Variants in MICAL3 observed in about 807,000 individuals in gnomAD.
The protein encoded by MICAL3 is [F-actin]-monooxygenase MICAL3.
Under a neutral mutation model 207.4 loss-of-function variants are expected in MICAL3, and 62 were observed. The observed-to-expected ratio is 0.30, with a 90% CI of 0.24 to 0.37. The LOEUF (loss-of-function observed/expected upper bound fraction) is 0.37. Among genes scored for constraint, MICAL3 ranks in the 10% least tolerant of loss-of-function variants. The pLI, the probability that MICAL3 is intolerant of heterozygous loss-of-function variation, is 1.00. For missense variants in MICAL3, 2,368 were observed against 2,635.6 expected (o/e 0.90, Z 2.22); for synonymous variants, 1,077 against 1,069.3 (o/e 1.01, Z -0.14).
chr22:18,009,023 C>T (rs929624076), intron 1 of MICAL3, among the ~76,000 whole-genome samples: 28 of 152,122 alleles, frequency 1.8e-4, no homozygotes, highest in Non-Finnish European at 3.5e-4. Flanking sequence ...TGATTTTTCC[C>T]CTAACTGATT....
intron 1 of MICAL3, chr22:17,983,168 C>G (rs1936002919): frequency 6.6e-6 from 1 of 152,190 alleles, no homozygotes; most frequent in Non-Finnish European, 1.5e-5. Context: ...GCTGGGATTA[C>G]AGCTGTGACC....
rs2061843658 is a variant in MICAL3, at chr22:17,793,282, G to A, written c.5651-1981C>T. On this transcript the variant is annotated intron_variant, in intron 29 of 31. Coordinates refer to ENST00000441493, the MANE Select transcript of MICAL3 (RefSeq NM_015241.3). The surrounding 1 kb of genome is among the most constrained non-coding windows in gnomAD (Gnocchi z 4.1). ...ACACGCACACTCAGCAAGACACGAG[G>A]TAGAGAGGTTTGCTTTCAGTGGTTG... Among the ~76,000 whole-genome samples the A allele has an allele frequency of 6.6e-6, 1 of 152,044 alleles. No homozygotes were observed. The highest frequency in any genetic ancestry group is 1.5e-5 in the Non-Finnish European group (1 of 67,980).
intron 17 of MICAL3, among the ~76,000 whole-genome samples, chr22:17,866,821 C>T (rs1260099068): frequency 6.6e-6 from 1 of 152,218 alleles, no homozygotes; most frequent in Non-Finnish European, 1.5e-5. Context: ...CTGAACTTGG[C>T]TTTTCCCATG....
intron 1 of MICAL3, among the ~76,000 whole-genome samples, chr22:17,924,974 C>T (rs75328607): frequency 0.074 from 11,211 of 152,254 alleles, 531 homozygotes; most frequent in Non-Finnish European, 0.11. Flanking sequence ...ACCCTGCAAA[C>T]TGGGTGCCAA....
chr22:17,881,657 A>AC (rs1929442667), intron 16 of MICAL3, among the ~76,000 whole-genome samples: 1 of 151,896 alleles, frequency 6.6e-6, no homozygotes, highest in African/African-American at 2.4e-5. Flanking sequence ...GGACACAGAG[A>AC]CCCCCTCTCA....
intron 1 of MICAL3, among the ~76,000 whole-genome samples, chr22:17,991,299 GCAGT>G (rs1257089446): frequency 1.3e-5 from 2 of 152,230 alleles, no homozygotes; most frequent in Non-Finnish European, 2.9e-5. Context: ...AAAGTGACAG[GCAGT>G]CATTCCCACC....
rs9617621 is a variant in MICAL3 at position 17,818,175 on chromosome 22, G to A, written c.4486C>T (p.Arg1496Trp). The change falls in exon 26 of 32, where the codon CGG becomes TGG. Residue 1496 changes from arginine to tryptophan, a missense_variant. Around this residue, in one of 4 missense-constraint regions of MICAL3, gnomAD observed 1,770 missense variants for 1,863.2 expected, o/e 0.95. Transcript: ENST00000441493. ...VPPPLPATWM[R>W]PPREPAQPPR... ...GGCTGAGCAGGCTCCCGGGGGGGCC[G>A]CATCCAGGTGGCGGGCAAGGGCGGC... The A allele has an allele frequency of 4.4e-5, 70 of 1,585,682 alleles. 1 individual carries two copies. The highest frequency in any genetic ancestry group is 1.7e-4 in the South Asian group (15 of 87,980).
At chr22:17,957,511 A>G (rs1934675245) in intron 1 of MICAL3, among the ~76,000 whole-genome samples, 1 of 152,146 alleles carries the variant, frequency 6.6e-6, no homozygotes, top group Non-Finnish European at 1.5e-5. Context: ...GGAATTCTAG[A>G]CCAGTCTGGG....
At chr22:17,977,292 C>T (rs907331432) in intron 1 of MICAL3, among the ~76,000 whole-genome samples, 1 of 152,054 alleles carries the variant, frequency 6.6e-6, no homozygotes, top group South Asian at 2.1e-4. Flanking sequence ...AATCAGGTAA[C>T]GGATAGGGAA....
rs536998909 is a variant in MICAL3 at position 17,977,431 on chromosome 22, C to T, written c.-75+46850G>A. On this transcript the variant is annotated intron_variant, in intron 1 of 31. Transcript: ENST00000441493. ...ACCCAGAAGCACAAGAAAAGAAAGA[C>T]GCCAATAAGCACATGAAAGGATGCT... 2.7e-4 allele frequency among the ~76,000 whole-genome samples: 41 copies of T among 151,918 alleles called. No homozygotes were observed. In the South Asian group the frequency reaches 8.1e-3, roughly 30 times the overall value.
intron 1 of MICAL3, among the ~76,000 whole-genome samples, chr22:17,977,269 A>G (rs1876490934): frequency 6.6e-6 from 1 of 152,234 alleles, no homozygotes; most frequent in South Asian, 2.1e-4. Flanking sequence ...CAGAATAGGG[A>G]AAAATATCTG....
intron 19 of MICAL3, among the ~76,000 whole-genome samples, chr22:17,850,478 T>G (rs966191810): frequency 2.1e-5 from 3 of 145,202 alleles, no homozygotes; most frequent in Non-Finnish European, 4.5e-5. Context: ...TGGTGCGATC[T>G]TGGCTCACTG....
chr22:17,946,908 C>T (rs73388472), intron 1 of MICAL3, among the ~76,000 whole-genome samples: 2 of 152,258 alleles, frequency 1.3e-5, no homozygotes, highest in African/African-American at 4.8e-5. Flanking sequence ...AAGGGCCCAG[C>T]TGAACCACAT....
intron 1 of MICAL3, among the ~76,000 whole-genome samples, chr22:17,910,677 G>A (rs1021288177): frequency 2.6e-5 from 4 of 152,164 alleles, no homozygotes; most frequent in South Asian, 4.1e-4. Flanking sequence ...TGACTGCAGC[G>A]CAAAGACTCC....
intron 1 of MICAL3, among the ~76,000 whole-genome samples, chr22:18,019,022 T>C (rs950071793): frequency 2.6e-5 from 4 of 152,018 alleles, no homozygotes; most frequent in African/African-American, 9.7e-5. Context: ...CGAAACCCTG[T>C]CTGTACAAAA....
intron 29 of MICAL3, among the ~76,000 whole-genome samples, chr22:17,799,945 CTA>C: frequency 7.8e-6 from 1 of 128,922 alleles, no homozygotes; most frequent in Middle Eastern, 3.9e-3. Context: ...AAACCTCACT[CTA>C]AAACACACAC....
chr22:17,854,996 A>G (rs891214273), intron 19 of MICAL3, among the ~76,000 whole-genome samples: 10 of 152,028 alleles, frequency 6.6e-5, no homozygotes, highest in Non-Finnish European at 1.2e-4. Context: ...CTTTTTCCCC[A>G]TTTTCCAGAA....
At chr22:17,883,995 C>A (rs1288951575) in intron 16 of MICAL3, among the ~76,000 whole-genome samples, 2 of 152,204 alleles carry the variant, frequency 1.3e-5, no homozygotes, top group African/African-American at 2.4e-5. Context: ...AGCGCGGGTA[C>A]CCTTGGGTGA....
intron 11 of MICAL3, among the ~76,000 whole-genome samples, chr22:17,893,266 G>GT (rs1056935347): frequency 2.6e-5 from 4 of 152,062 alleles, no homozygotes; most frequent in African/African-American, 9.7e-5. Context: ...CCTGCCTCTG[G>GT]TACTTCCCTC....
Sources: gnomAD v4.1 joint callset for allele counts (sites outside exome capture counted in the v4.1 genomes callset) on GRCh38, gnomAD v4.1.1 for gene constraint, gnomAD v4.1.1 regional missense constraint, Gnocchi (gnomAD v3.1) non-coding constraint, MANE v1.5 for transcripts, NCBI Gene and HGNC (gene_info 2026-07-23, HGNC 2026-07-21) for gene names.